The following MAMDC2 variants were observed in gnomAD, a reference collection of about 807,000 sequenced individuals.
MAMDC2 encodes the protein MAM domain containing 2.
In MAMDC2, 57 loss-of-function variants were observed where a neutral mutation model predicts 89.8. That is an observed-to-expected ratio of 0.63 (90% confidence interval 0.51 to 0.79). The LOEUF (loss-of-function observed/expected upper bound fraction) is 0.79. MAMDC2 is among the 30% of genes least tolerant of loss of function. The pLI is 0.00. For synonymous variants in MAMDC2, 313 were observed against 293.4 expected (o/e 1.07, Z -0.68); for missense variants, 800 against 820.6 (o/e 0.97, Z 0.31).
chr9:70,133,918 G>A (rs1366372907), intron 7 of MAMDC2, among the ~76,000 whole-genome samples: 1 of 152,190 alleles, frequency 6.6e-6, no homozygotes, highest in Non-Finnish European at 1.5e-5. Flanking sequence ...TGTGTCAGCT[G>A]GAGCCTGCTT....
intron 2 of MAMDC2, among the ~76,000 whole-genome samples, chr9:70,061,617 A>G (rs1455345385): frequency 2.6e-5 from 4 of 152,198 alleles, no homozygotes; most frequent in Admixed American, 2.6e-4. Context: ...AAAATTTAAG[A>G]TGGTGCCAAA....
At chr9:70,169,175 T>C (rs1380716297) in intron 10 of MAMDC2, among the ~76,000 whole-genome samples, 1 of 152,262 alleles carries the variant, frequency 6.6e-6, no homozygotes, top group Non-Finnish European at 1.5e-5. Flanking sequence ...ATTAATGAAA[T>C]TTTTATTTCA....
intron 5 of MAMDC2, among the ~76,000 whole-genome samples, chr9:70,124,598 C>T (rs557662261): frequency 4.6e-5 from 7 of 152,240 alleles, no homozygotes; most frequent in South Asian, 2.1e-4. Flanking sequence ...CACCACATAC[C>T]GGGCTATGTA....
At chr9:70,102,848 T>C (rs1328598368) in intron 2 of MAMDC2, among the ~76,000 whole-genome samples, 1 of 152,218 alleles carries the variant, frequency 6.6e-6, no homozygotes, top group African/African-American at 2.4e-5. Flanking sequence ...TGATGCCATT[T>C]CTCCAACACT....
At chr9:70,204,537 G>A (rs2033176317) in intron 11 of MAMDC2, among the ~76,000 whole-genome samples, 2 of 149,640 alleles carry the variant, frequency 1.3e-5, no homozygotes, top group African/African-American at 2.5e-5. Flanking sequence ...CCCAGAGGTG[G>A]AGCCTACAGA....
intron 9 of MAMDC2, among the ~76,000 whole-genome samples, chr9:70,155,359 TTCTG>T (rs2118466997): frequency 6.6e-6 from 1 of 152,292 alleles, no homozygotes; most frequent in African/African-American, 2.4e-5. Context: ...GCTCCTTCAG[TTCTG>T]TTCCTCTCTG....
intron 2 of MAMDC2, among the ~76,000 whole-genome samples, chr9:70,084,406 T>C (rs765793275): frequency 1.3e-5 from 2 of 152,088 alleles, no homozygotes; most frequent in Non-Finnish European, 2.9e-5. Context: ...CAGTACCTGA[T>C]ATAGAGTAGA....
rs556558810 is a variant in MAMDC2, at chr9:70,176,298, A to G, written c.1651+5667A>G. ...CTCCTAATTCTACTCCTGTATTTAC[A>G]TTATTTCTGGGTTATGTGGACACAC... On this transcript the variant is annotated intron_variant, in intron 11 of 13. Coordinates refer to ENST00000377182, the MANE Select transcript of MAMDC2 (RefSeq NM_153267.5). 4.6e-5 allele frequency among the ~76,000 whole-genome samples: 7 copies of G among 152,360 alleles called. No homozygotes were observed. The South Asian group carries it at 1.4e-3, about 32-fold the overall frequency.
At chr9:70,045,544 C>T (rs1234384983) in intron 2 of MAMDC2, among the ~76,000 whole-genome samples, 1 of 152,008 alleles carries the variant, frequency 6.6e-6, no homozygotes, top group Non-Finnish European at 1.5e-5. Flanking sequence ...AACATGGTAC[C>T]CTAGATGAAA....
At chr9:70,102,466 T>C (rs145267675) in intron 2 of MAMDC2, among the ~76,000 whole-genome samples, 3 of 152,312 alleles carry the variant, frequency 2.0e-5, no homozygotes, top group African/African-American at 7.2e-5. Context: ...TGCTGTGCCA[T>C]GGCTATTGGA....
chr9:70,224,884 A>T (rs1307996277), intron 12 of MAMDC2, among the ~76,000 whole-genome samples: 5 of 152,352 alleles, frequency 3.3e-5, no homozygotes, highest in South Asian at 2.1e-4. Flanking sequence ...TAATTTCAAG[A>T]TAACTTTATA....
intron 11 of MAMDC2, among the ~76,000 whole-genome samples, chr9:70,173,890 T>TA (rs1328458260): frequency 6.6e-6 from 1 of 152,192 alleles, no homozygotes; most frequent in Admixed American, 6.5e-5. Context: ...GAAAGTTACT[T>TA]AAAATCTCTA....
rs773441183 is a variant in MAMDC2, at chr9:70,080,194, C to T, written c.149-28017C>T. Among the ~76,000 whole-genome samples the T allele has an allele frequency of 4.5e-4, 69 of 152,186 alleles. 1 individual carries two copies. Among genetic ancestry groups the T allele is most frequent in the Admixed American group, 4.0e-3 (61 of 15,276 alleles). ...AGATTAATAGTCTTCCTCTTCCCAT[C>T]TCCTCGAGGTAGCTAATATTATCAA... is the stretch of plus-strand genomic sequence containing the variant. On this transcript the variant is annotated intron_variant, in intron 2 of 13. Coordinates refer to ENST00000377182, the MANE Select transcript of MAMDC2 (RefSeq NM_153267.5).
chr9:70,146,577 T>A lies in MAMDC2; in HGVS notation c.1404+2758T>A, dbSNP rs990919901. Among the ~76,000 whole-genome samples, 5 of 152,246 alleles carry A rather than the reference T, an allele frequency of 3.3e-5. No homozygotes were observed. The South Asian group carries it at 1.0e-3, about 32-fold the overall frequency. ...AGAAATAAACATACAAAAATATATT[T>A]AAGACAAGGGATAAAATGAGAAATC... is the stretch of plus-strand genomic sequence containing the variant. On this transcript the variant is annotated intron_variant, in intron 9 of 13. Transcript: ENST00000377182.
At chr9:70,184,272 C>T (rs983817690) in intron 11 of MAMDC2, among the ~76,000 whole-genome samples, 1 of 152,106 alleles carries the variant, frequency 6.6e-6, no homozygotes, top group Admixed American at 6.5e-5. Context: ...ATGGGCTTCC[C>T]TTTCTAAGAA....
intron 11 of MAMDC2, among the ~76,000 whole-genome samples, chr9:70,202,496 G>C (rs1156730963): frequency 6.6e-6 from 1 of 151,154 alleles, no homozygotes; most frequent in Non-Finnish European, 1.5e-5. Context: ...TTTTGGAATA[G>C]GTGTGGTGTG....
Position 70,044,220 on chromosome 9 carries a change from T to G in MAMDC2, c.23T>G (p.Leu8Arg). 6.2e-7 allele frequency: 1 copy of G among 1,613,370 alleles called. No homozygotes were observed. Among genetic ancestry groups the G allele is most frequent in the Non-Finnish European group, 8.5e-7 (1 of 1,179,906 alleles). MLLRGVL[L>R]ALQALQLAGA... ...ACCATGCTGTTAAGGGGCGTCCTCC[T>G]GGCGTTGCAAGGTAAGGCCTGGACC... Residue 8 changes from leucine (L) to arginine (R), a missense_variant, in exon 1 of 14, where the codon CTG becomes CGG. Leu to Arg is a moderately radical substitution (Grantham distance 102). Transcript: ENST00000377182.
intron 11 of MAMDC2, chr9:70,217,225 T>A: frequency 1.2e-6 from 1 of 827,024 alleles, no homozygotes; most frequent in South Asian, 1.3e-5. Context: ...TTTTAGTGGG[T>A]ACAAGATCTA....
At position 70,188,800 on chromosome 9, in the gene MAMDC2, C is replaced by G. The variant is rs142714344; in HGVS notation, c.1651+18169C>G. 9.8e-5 allele frequency: 9 copies of G among 91,898 alleles called. No homozygotes were observed. The East Asian group carries it at 3.5e-3, about 36-fold the overall frequency. The allele number at this position is 91,898 out of a possible 1,614,324, so 5.7% of individuals were successfully genotyped here. A position where few individuals can be genotyped will look rare whatever the true frequency, so the allele number is the denominator to read the frequency against. ...TTTTTTTTTTAGAAAGAAGTGGGGT[C>G]TCACATGCTGTCCAGGCTAGTCTCA... is the stretch of plus-strand genomic sequence containing the variant. On this transcript the variant is annotated intron_variant, in intron 11 of 13. Transcript: ENST00000377182.
Sources: gnomAD v4.1 joint callset for allele counts (sites outside exome capture counted in the v4.1 genomes callset) on GRCh38, gnomAD v4.1.1 for gene constraint, MANE v1.5 for transcripts, NCBI Gene and HGNC (gene_info 2026-07-23, HGNC 2026-07-21) for gene names.